The following CREB3L2 variants were observed in gnomAD, a reference collection of about 807,000 sequenced individuals.
CREB3L2 encodes the protein cAMP responsive element binding protein 3 like 2, also known as cyclic AMP-responsive element-binding protein 3-like protein 2.
A neutral mutation model predicts 57.2 loss-of-function variants in CREB3L2; 23 were observed. The ratio of observed to expected loss-of-function variants is 0.40; its 90% CI spans 0.29 to 0.57. CREB3L2 has a LOEUF of 0.57. Ranked by LOEUF, CREB3L2 falls within the 20% of genes least tolerant of loss-of-function variation. CREB3L2 has a pLI of 0.42. For synonymous variants in CREB3L2, 268 were observed against 265.1 expected (o/e 1.01, Z -0.11); for missense variants, 628 against 634.7 (o/e 0.99, Z 0.11).
At chr7:137,955,435 AACTTAC>A in intron 1 of CREB3L2, 2 of 548,444 alleles carry the variant, frequency 3.6e-6, no homozygotes, top group East Asian at 1.4e-4. Context: ...CCACACGCCA[AACTTAC>A]ACGTCCGGTT....
chr7:137,883,220 A>G (rs1012862199), intron 10 of CREB3L2, among the ~76,000 whole-genome samples: 3 of 152,234 alleles, frequency 2.0e-5, no homozygotes, highest in Non-Finnish European at 4.4e-5. Context: ...TTGGGGGGAA[A>G]AATTCTCAAC....
chr7:137,884,843 G>T (rs757042103), intron 10 of CREB3L2, 152 bp downstream of exon 10: 34 of 1,083,670 alleles, frequency 3.1e-5, no homozygotes, highest in Admixed American at 5.2e-5. Flanking sequence ...GGCCCCAGGG[G>T]AACCCCCACT....
At chr7:137,924,489 C>G (rs1190854768) in intron 2 of CREB3L2, among the ~76,000 whole-genome samples, 1 of 152,172 alleles carries the variant, frequency 6.6e-6, no homozygotes, top group Non-Finnish European at 1.5e-5. Context: ...TATAGTAACT[C>G]ATAAAGACAA....
intron 3 of CREB3L2, among the ~76,000 whole-genome samples, chr7:137,914,328 C>T (rs1563250144): frequency 6.6e-6 from 1 of 152,116 alleles, no homozygotes; most frequent in Admixed American, 6.5e-5. Flanking sequence ...TTGCTAGTTA[C>T]ATACTTTACA....
intron 1 of CREB3L2, among the ~76,000 whole-genome samples, chr7:137,946,525 A>G (rs1800979449): frequency 6.6e-6 from 1 of 151,570 alleles, no homozygotes; most frequent in African/African-American, 2.4e-5. Context: ...GCTGACACCT[A>G]ACTGCAGGTT....
chr7:137,924,700 T>G (rs1800413070), intron 2 of CREB3L2, among the ~76,000 whole-genome samples: 1 of 152,140 alleles, frequency 6.6e-6, no homozygotes, highest in African/African-American at 2.4e-5. Flanking sequence ...CAGAAAACCT[T>G]GCTTAGCATC....
intron 1 of CREB3L2, among the ~76,000 whole-genome samples, chr7:137,997,138 A>C (rs1802000297): frequency 6.6e-6 from 1 of 152,144 alleles, no homozygotes. Flanking sequence ...TCTATATAGT[A>C]CTGAAGCTCC....
intron 1 of CREB3L2, among the ~76,000 whole-genome samples, chr7:137,981,119 A>C (rs11975683): frequency 0.012 from 1,887 of 152,298 alleles, 44 homozygotes; most frequent in African/African-American, 0.043. Context: ...GCAAAGCTCT[A>C]GGAAAACCGG....
At chr7:137,964,800 G>A (rs1253413309) in intron 1 of CREB3L2, among the ~76,000 whole-genome samples, 1 of 152,188 alleles carries the variant, frequency 6.6e-6, no homozygotes, top group Admixed American at 6.5e-5. Context: ...TGTTGTGGGA[G>A]GGACCTGGAA....
At chr7:137,927,467 A>G (rs1037328112) in intron 2 of CREB3L2, among the ~76,000 whole-genome samples, 1 of 151,988 alleles carries the variant, frequency 6.6e-6, no homozygotes, top group Non-Finnish European at 1.5e-5. Flanking sequence ...GAGAAAAAGA[A>G]AAGAAGAAAA....
intron 2 of CREB3L2, among the ~76,000 whole-genome samples, chr7:137,917,650 G>T (rs73729519): frequency 0.021 from 3,128 of 152,176 alleles, 32 homozygotes; most frequent in African/African-American, 0.036. Flanking sequence ...CAGAAACTAA[G>T]AACTAAAATC....
chr7:137,972,732 T>TAGAG (rs1801537420), intron 1 of CREB3L2, among the ~76,000 whole-genome samples: 1 of 26,830 alleles, frequency 3.7e-5, no homozygotes, highest in African/African-American at 2.3e-4. Context: ...TATATATATA[T>TAGAG]ATATAGAGAG....
At chr7:137,947,830 G>T (rs1229972301) in intron 1 of CREB3L2, among the ~76,000 whole-genome samples, 1 of 152,136 alleles carries the variant, frequency 6.6e-6, no homozygotes, top group Admixed American at 6.5e-5. Context: ...TCACAGCCTG[G>T]CTTGGCTGGT....
chr7:137,918,348 G>A (rs1176756056), intron 2 of CREB3L2, among the ~76,000 whole-genome samples: 3 of 151,988 alleles, frequency 2.0e-5, no homozygotes, highest in Admixed American at 1.3e-4. Context: ...ACGCCACGAC[G>A]CCCAGCTAAT....
chr7:137,949,451 T>C (rs141339125), intron 1 of CREB3L2, among the ~76,000 whole-genome samples: 48 of 152,358 alleles, frequency 3.2e-4, no homozygotes, highest in South Asian at 2.1e-4. Context: ...TCTCCAGTAA[T>C]TCAAAGGCTT....
chr7:137,906,975 G>C (rs1188331840), intron 5 of CREB3L2, among the ~76,000 whole-genome samples: 1 of 152,136 alleles, frequency 6.6e-6, no homozygotes, highest in African/African-American at 2.4e-5. Flanking sequence ...CATGAAAATG[G>C]ACTAATACAT....
chr7:137,907,262 C>T (rs1292086697), intron 5 of CREB3L2, among the ~76,000 whole-genome samples: 2 of 152,124 alleles, frequency 1.3e-5, no homozygotes, highest in African/African-American at 2.4e-5. Context: ...CAACAAGTAA[C>T]AGGGAAATAC....
intron 1 of CREB3L2, among the ~76,000 whole-genome samples, chr7:137,935,041 G>A (rs575081467): frequency 4.5e-4 from 69 of 152,174 alleles, no homozygotes; most frequent in Admixed American, 1.0e-3. Flanking sequence ...AATGGTCACA[G>A]TATGGCATTG....
chr7:137,979,085 T>C (rs1801664622), intron 1 of CREB3L2, among the ~76,000 whole-genome samples: 1 of 152,182 alleles, frequency 6.6e-6, no homozygotes, highest in Non-Finnish European at 1.5e-5. Flanking sequence ...TAATTGACCA[T>C]ATCTGCCTGG....
Sources: gnomAD v4.1 joint callset for allele counts (sites outside exome capture counted in the v4.1 genomes callset) on GRCh38, gnomAD v4.1.1 for gene constraint, MANE v1.5 for transcripts, NCBI Gene and HGNC (gene_info 2026-07-23, HGNC 2026-07-21) for gene names.